The following B4GALT2 variants were observed in gnomAD, a reference collection of about 807,000 sequenced individuals.
B4GALT2 encodes the protein beta-1,4-galactosyltransferase 2.
In B4GALT2, 18 loss-of-function variants were observed where a neutral mutation model predicts 33.2. The observed-to-expected ratio is 0.54, with a 90% CI of 0.38 to 0.80. B4GALT2 has a LOEUF of 0.80. B4GALT2 is among the 30% of genes least tolerant of loss of function. The probability of loss-of-function intolerance (pLI) is 0.00; values close to 1 mark genes in which losing one functional copy is unlikely to be tolerated. For synonymous variants in B4GALT2, 214 were observed against 217.6 expected, an observed-to-expected ratio of 0.98 and a Z score of 0.15; for missense variants, 404 against 526.2, an observed-to-expected ratio of 0.77 and a Z score of 2.27.
At position 43,981,015 on chromosome 1, in the gene B4GALT2, C is replaced by T; in HGVS notation, c.-52-94C>T. 7.0e-7 allele frequency: 1 copy of T among 1,429,622 alleles called. No homozygotes were observed. The highest frequency in any genetic ancestry group is 9.2e-7 in the Non-Finnish European group (1 of 1,084,458). The allele number at this position is 1,429,622 out of a possible 1,614,324, so 88.6% of individuals were successfully genotyped here. The stretch of plus-strand genomic sequence containing the variant: ...ATGAGCAGGTCAGTGTGAGGTGTGG[C>T]CCACGAGTGTGAGCAGCTGAGTGGG... On this transcript the variant is annotated intron_variant, in intron 1 of 6. Coordinates refer to ENST00000372324, the MANE Select transcript of B4GALT2 (RefSeq NM_003780.5). This position sits in a 1 kb window ranked among gnomAD's most constrained non-coding sequence, Gnocchi z 8.1.
chr1:43,979,977 G>A lies in B4GALT2; in HGVS notation c.-53+466G>A, dbSNP rs1571800151. ...AGGGAGGGTGGGAATGTCTGCACGT[G>A]GGTCTGGGTGTGAGCTGTCTGAGAG... On this transcript the variant is annotated intron_variant, in intron 1 of 6. Coordinates refer to ENST00000372324, the MANE Select transcript of B4GALT2 (RefSeq NM_003780.5). The surrounding 1 kb of genome is among the most constrained non-coding windows in gnomAD (Gnocchi z 4.8). 1.3e-6 allele frequency: 2 copies of A among 1,528,744 alleles called. No homozygotes were observed. Among genetic ancestry groups the A allele is most frequent in the Non-Finnish European group, 1.7e-6 (2 of 1,143,296 alleles). 94.7% of individuals were successfully genotyped at this position (1,528,744 alleles called of 1,614,324 possible). A position where few individuals can be genotyped will look rare whatever the true frequency, so the allele number is the denominator to read the frequency against.
At chr1:43,980,086 G>T in intron 1 of B4GALT2, 1 of 1,459,208 alleles carries the variant, frequency 6.9e-7, no homozygotes, top group Non-Finnish European at 9.0e-7. Flanking sequence ...ACCCGGGTGT[G>T]TCTGTGACTG....
Position 43,981,334 on chromosome 1 carries a change from TAGC to T in B4GALT2, c.194_196del (p.Ser65del), listed in dbSNP as rs551490191. On this transcript the variant is annotated inframe_deletion, in exon 2 of 7. Coordinates refer to ENST00000372324, the MANE Select transcript of B4GALT2 (RefSeq NM_003780.5). The surrounding 1 kb of genome is among the most constrained non-coding windows in gnomAD (Gnocchi z 8.1). Reference sequence around the variant, plus strand: ...CTGCCCATGCCCTCCACCCAGCTGCTAGCAGCAGCAGCAGCAGCAGCAACTGCT... The same window carrying T: ...CTGCCCATGCCCTCCACCCAGCTGCTAGCAGCAGCAGCAGCAGCAACTGCT... The T allele has an allele frequency of 1.4e-5, 22 of 1,600,890 alleles. No individual in the cohort carries two copies. The highest frequency in any genetic ancestry group is 4.4e-5 in the South Asian group (4 of 91,062).
At chr1:43,985,868 C>A in intron 6 of B4GALT2, 2 of 574,896 alleles carry the variant, frequency 3.5e-6, no homozygotes, top group East Asian at 5.9e-5. Flanking sequence ...TGACCTCTGG[C>A]CTGATTCCTA....
Position 43,981,860 on chromosome 1 carries a change from T to G in B4GALT2, c.485T>G (p.Leu162Arg). The change falls in exon 3 of 7, where the codon CTC (leucine) becomes CGC (arginine). Residue 162 changes from leucine to arginine, a missense_variant. Leu to Arg is a moderately radical substitution (Grantham distance 102, BLOSUM62 -2). Transcript: ENST00000372324. This position sits in a 1 kb window ranked among gnomAD's most constrained non-coding sequence, Gnocchi z 8.1. ...CGGGAACACCACCTGCGCTACTGGCTCCACTATCTACACCCCATCTTGAGG... is the reference window on the plus strand; with the variant it reads ...CGGGAACACCACCTGCGCTACTGGCGCCACTATCTACACCCCATCTTGAGG... ...RHREHHLRYW[L>R]HYLHPILRRQ... 1 of 1,611,314 alleles carries G rather than the reference T, an allele frequency of 6.2e-7. No homozygotes were observed. The highest frequency in any genetic ancestry group is 8.5e-7 in the Non-Finnish European group (1 of 1,178,916).
chr1:43,987,131 G>A (rs2085667422), intron 6 of B4GALT2, among the ~76,000 whole-genome samples: 1 of 152,156 alleles, frequency 6.6e-6, no homozygotes, highest in African/African-American at 2.4e-5. Context: ...GGGCTTCAGG[G>A]CATCTGGGGA....
At chr1:43,989,339 A>AAG (rs1016946360) in intron 6 of B4GALT2, among the ~76,000 whole-genome samples, 2 of 150,770 alleles carry the variant, frequency 1.3e-5, no homozygotes, top group African/African-American at 4.9e-5. Context: ...AAAAAAAAAA[A>AAG]TCACTAGATC....
In B4GALT2 at chr1:43,984,860, C is replaced by T. The variant is rs2085637542; in HGVS notation, c.550-5C>T. On this transcript the variant is annotated splice_region_variant and splice_polypyrimidine_tract_variant and intron_variant, in intron 3 of 6. Transcript: ENST00000372324. The surrounding 1 kb of genome is among the most constrained non-coding windows in gnomAD (Gnocchi z 5.6). Reference sequence around the variant, plus strand: ...CAGGGTTGACCTGCTCCTCCCCCTACCCAGCATGGTGAGGACACCTTCAAC... The same window carrying T: ...CAGGGTTGACCTGCTCCTCCCCCTATCCAGCATGGTGAGGACACCTTCAAC... 1 of 1,612,886 alleles carries T rather than the reference C, an allele frequency of 6.2e-7. No individual in the cohort carries two copies. Among genetic ancestry groups the T allele is most frequent in the Non-Finnish European group, 8.5e-7 (1 of 1,179,360 alleles).
At chr1:43,989,953 C>T in intron 6 of B4GALT2, among the ~76,000 whole-genome samples, 1 of 152,350 alleles carries the variant, frequency 6.6e-6, no homozygotes, top group Non-Finnish European at 1.5e-5. Flanking sequence ...AGAGCATAGT[C>T]TCTTCTTTAA....
Position 43,990,309 on chromosome 1 carries a change from T to A in B4GALT2, c.980T>A (p.Ile327Asn). ...NEPNPQRFTK[I>N]QNTKLTMKRD... is the part of the protein sequence containing the mutation. ...TCCATCCTATCTAGGTTTACCAAGA[T>A]TCAAAACACGAAGCTGACCATGAAG... Residue 327 changes from isoleucine (I) to asparagine (N), a missense_variant, in exon 7 of 7, where the codon ATT becomes AAT. Physicochemically the swap from Ile to Asn is moderately radical, Grantham distance 149. Transcript: ENST00000372324. 1 of 1,614,210 alleles carries A rather than the reference T, an allele frequency of 6.2e-7. No homozygotes were observed. The highest frequency in any genetic ancestry group is 8.5e-7 in the Non-Finnish European group (1 of 1,180,024).
At position 43,990,413 on chromosome 1, in the gene B4GALT2, A is replaced by G. The variant is rs1482514524; in HGVS notation, c.1084A>G (p.Ile362Val). ...QPLFTNITVD[I>V]GRPPSWPPRG ...ACTCTTCACCAATATCACAGTGGAC[A>G]TTGGGCGGCCTCCGTCGTGGCCCCC... is the stretch of plus-strand genomic sequence containing the variant. The change falls in exon 7 of 7, where the codon ATT (isoleucine) becomes GTT (valine). Residue 362 changes from isoleucine to valine, a missense_variant. By Grantham distance (29) the Ile-to-Val change is conservative (BLOSUM62 3). Coordinates refer to ENST00000372324, the MANE Select transcript of B4GALT2 (RefSeq NM_003780.5). 7 of 1,614,004 alleles carry G rather than the reference A, an allele frequency of 4.3e-6. No homozygotes were observed. Among genetic ancestry groups the G allele is most frequent in the East Asian group, 2.2e-5 (1 of 44,852 alleles).
chr1:43,985,805 G>T (rs2286244), intron 6 of B4GALT2, 184 bp downstream of exon 6: 9,659 of 625,084 alleles, frequency 0.015, 234 homozygotes, highest in East Asian at 0.086. Context: ...AGGACTGCTG[G>T]CACCCCTGAT....
chr1:43,981,050 G>A lies in B4GALT2; in HGVS notation c.-52-59G>A. 1 of 1,471,708 alleles carries A rather than the reference G, an allele frequency of 6.8e-7. No homozygotes were observed. 91.2% of individuals were successfully genotyped at this position (1,471,708 alleles called of 1,614,324 possible). On this transcript the variant is annotated intron_variant, in intron 1 of 6. Coordinates refer to ENST00000372324, the MANE Select transcript of B4GALT2 (RefSeq NM_003780.5). The surrounding 1 kb of genome is among the most constrained non-coding windows in gnomAD (Gnocchi z 8.1). Reference sequence around the variant, plus strand: ...TGAGCAGCTGAGTGGGAGGTAGGTGGGCAGCCTTGCCTGTCCTGCCCTGAC... The same window carrying A: ...TGAGCAGCTGAGTGGGAGGTAGGTGAGCAGCCTTGCCTGTCCTGCCCTGAC...
At chr1:43,989,391 G>A (rs985630475) in intron 6 of B4GALT2, among the ~76,000 whole-genome samples, 7 of 151,268 alleles carry the variant, frequency 4.6e-5, no homozygotes, top group Admixed American at 2.0e-4. Context: ...TTTATAAAGG[G>A]TTACAACCTG....
At position 43,981,424 on chromosome 1, in the gene B4GALT2, T is replaced by C; in HGVS notation, c.264T>C (p.Gly88=). The change falls in exon 2 of 7, where the codon GGT becomes GGC. Residue 88 remains glycine, a synonymous_variant. Coordinates refer to ENST00000372324, the MANE Select transcript of B4GALT2 (RefSeq NM_003780.5). The surrounding 1 kb of genome is among the most constrained non-coding windows in gnomAD (Gnocchi z 8.1). ...CTGAGGTCCCCAGTGCCCTGCCCGG[T>C]CCCACGGCTCCCACGCTGCCACCCT... The part of the protein sequence containing the change: ...GLPEVPSALP[G]PTAPTLPPCP... 1.3e-6 allele frequency: 2 copies of C among 1,593,580 alleles called. No individual in the cohort carries two copies. The highest frequency in any genetic ancestry group is 2.2e-5 in the South Asian group (2 of 90,870).
In B4GALT2 at chr1:43,990,856, A is replaced by T. The variant is rs1232828285; in HGVS notation, c.*408A>T. On this transcript the variant is annotated 3_prime_UTR_variant, in exon 7 of 7. Transcript: ENST00000372324. ...ATGTCTAGGGGGCAGTGTCTCTTCC[A>T]GGGGGAATTCTCAGCTCTTGGGAAC... 1.0e-5 allele frequency: 2 copies of T among 192,888 alleles called. No homozygotes were observed. Among genetic ancestry groups the T allele is most frequent in the Non-Finnish European group, 2.2e-5 (2 of 91,334 alleles). The allele number at this position is 192,888 out of a possible 1,614,324, so 11.9% of individuals were successfully genotyped here.
At chr1:43,989,652 C>T (rs530276531) in intron 6 of B4GALT2, among the ~76,000 whole-genome samples, 33 of 152,296 alleles carry the variant, frequency 2.2e-4, no homozygotes, top group African/African-American at 9.6e-5. Context: ...AGGCCCCATA[C>T]GTCAAAAAGA....
Position 43,981,139 on chromosome 1 carries a change from C to T in B4GALT2, c.-22C>T, listed in dbSNP as rs757948149. The T allele has an allele frequency of 8.1e-6, 13 of 1,595,918 alleles. No individual in the cohort carries two copies. The highest frequency in any genetic ancestry group is 4.4e-5 in the South Asian group (4 of 90,848). ...CAGCCGGATGCCCGGGCCCACTGGG[C>T]GGGCCAGTGGCCGCCTGCGGGATGA... On this transcript the variant is annotated 5_prime_UTR_variant, in exon 2 of 7. Coordinates refer to ENST00000372324, the MANE Select transcript of B4GALT2 (RefSeq NM_003780.5). This position sits in a 1 kb window ranked among gnomAD's most constrained non-coding sequence, Gnocchi z 8.1.
chr1:43,987,375 C>G (rs992765988), intron 6 of B4GALT2, among the ~76,000 whole-genome samples: 1 of 152,134 alleles, frequency 6.6e-6, no homozygotes, highest in Non-Finnish European at 1.5e-5. Context: ...TCAGGAAGCC[C>G]TTGTTTACAT....
Sources: allele counts gnomAD v4.1 joint callset (sites outside exome capture counted in the v4.1 genomes callset), GRCh38; gene constraint gnomAD v4.1.1; non-coding constraint Gnocchi (gnomAD v3.1); transcripts MANE v1.5; gene names NCBI Gene and HGNC (gene_info 2026-07-23, HGNC 2026-07-21).